The following TRIM2 variants were observed in gnomAD, a reference collection of about 807,000 sequenced individuals.
The protein encoded by TRIM2 is tripartite motif-containing protein 2.
TRIM2 carries 20 observed loss-of-function variants against 75.2 expected under a neutral mutation model. That is an observed-to-expected ratio of 0.27 (90% CI 0.19 to 0.39). The LOEUF (loss-of-function observed/expected upper bound fraction) is 0.39. TRIM2 is among the 10% of genes least tolerant of loss of function. The probability of loss-of-function intolerance (pLI) is 1.00; values close to 1 mark genes in which losing one functional copy is unlikely to be tolerated. For synonymous variants in TRIM2, 373 were observed against 388.3 expected (o/e 0.96, Z 0.46); for missense variants, 660 against 990.8 (o/e 0.67, Z 4.48).
At chr4:153,185,335 G>A (rs1732490255) in intron 1 of TRIM2, among the ~76,000 whole-genome samples, 2 of 152,128 alleles carry the variant, frequency 1.3e-5, no homozygotes, top group African/African-American at 2.4e-5. Flanking sequence ...TATTCACTCA[G>A]TTCATAAATT....
In TRIM2 at chr4:153,334,847, A is replaced by G. The variant is rs201921014; in HGVS notation, c.2197A>G (p.Ile733Val). Reference sequence around the variant, plus strand: ...TGGGAGTGGATCATTTTTGTCCTACATTAACACATCTGCTGACCCACTCTA... The same window carrying G: ...TGGGAGTGGATCATTTTTGTCCTACGTTAACACATCTGCTGACCCACTCTA... Reference protein sequence around the residue: ...FDGSGSFLSYINTSADPLYGP... With the variant: ...FDGSGSFLSYVNTSADPLYGP... The change falls in exon 12 of 12, where the codon ATT becomes GTT. Residue 733 changes from isoleucine to valine, a missense_variant. Coordinates refer to ENST00000338700, the MANE Select transcript of TRIM2 (RefSeq NM_015271.5). 274 of 1,613,610 alleles carry G rather than the reference A, an allele frequency of 1.7e-4. 2 individuals are homozygous for G. In the Middle Eastern group the frequency reaches 5.4e-3, roughly 32 times the overall value.
intron 6 of TRIM2, among the ~76,000 whole-genome samples, chr4:153,311,109 A>G (rs1766189385): frequency 6.6e-6 from 1 of 152,178 alleles, no homozygotes; most frequent in South Asian, 2.1e-4. Flanking sequence ...ATGGTCTATT[A>G]CTATGGAATC....
intron 6 of TRIM2, among the ~76,000 whole-genome samples, chr4:153,301,410 C>T (rs1763896540): frequency 6.6e-6 from 1 of 152,102 alleles, no homozygotes; most frequent in Non-Finnish European, 1.5e-5. Context: ...AGATATTAAC[C>T]TCTTATCAAG....
chr4:153,223,937 T>C (rs1292784742), intron 1 of TRIM2, among the ~76,000 whole-genome samples: 1 of 152,182 alleles, frequency 6.6e-6, no homozygotes, highest in African/African-American at 2.4e-5. Flanking sequence ...CCTTTTTTCA[T>C]TGTTTTCTTC....
In TRIM2 at chr4:153,248,483, C is replaced by T. The variant is rs1294129700; in HGVS notation, c.31-21852C>T. ...CAAACCCATTCTTGGCTCTAGAGCC[C>T]ATCCTCTTCTCCACTACCGCACCTG... On this transcript the variant is annotated intron_variant, in intron 1 of 11. Transcript: ENST00000338700. The surrounding 1 kb of genome is among the most constrained non-coding windows in gnomAD (Gnocchi z 4.0). 1.3e-5 allele frequency among the ~76,000 whole-genome samples: 2 copies of T among 152,182 alleles called. No homozygotes were observed. Among genetic ancestry groups the T allele is most frequent in the African/African-American group, 4.8e-5 (2 of 41,446 alleles).
chr4:153,284,669 T>G (rs1363010951), intron 3 of TRIM2, among the ~76,000 whole-genome samples: 4 of 152,240 alleles, frequency 2.6e-5, no homozygotes, highest in Non-Finnish European at 5.9e-5. Flanking sequence ...GTTGCGGTTT[T>G]GATTTGCATT....
upstream of TRIM2, among the ~76,000 whole-genome samples, chr4:153,203,703 C>G (rs953531882): frequency 1.3e-5 from 2 of 152,044 alleles, no homozygotes; most frequent in Non-Finnish European, 2.9e-5. Flanking sequence ...ACCCACCTGG[C>G]CAACATGGCG....
At position 153,225,407 on chromosome 4, in the gene TRIM2, C is replaced by T. The variant is rs1348705160; in HGVS notation, c.30+20847C>T. 2.0e-5 allele frequency among the ~76,000 whole-genome samples: 3 copies of T among 152,170 alleles called. No individual in the cohort carries two copies. In the East Asian group the frequency reaches 5.8e-4, roughly 29 times the overall value. ...AGAAAAGACTTCCTGCTTAGAATGTCTGTTTGAGAGGCTATTCTGTGAATG... is the reference window on the plus strand; with the variant it reads ...AGAAAAGACTTCCTGCTTAGAATGTTTGTTTGAGAGGCTATTCTGTGAATG... On this transcript the variant is annotated intron_variant, in intron 1 of 11. Transcript: ENST00000338700.
chr4:153,187,246 A>C (rs901134425), intron 1 of TRIM2, among the ~76,000 whole-genome samples: 2 of 152,170 alleles, frequency 1.3e-5, no homozygotes. Context: ...AAGGATGAAA[A>C]AAAATTTGTA....
upstream of TRIM2, among the ~76,000 whole-genome samples, chr4:153,203,394 T>TACACACACACACAC (rs35049904): frequency 7.1e-6 from 1 of 141,292 alleles, no homozygotes; most frequent in African/African-American, 2.6e-5. Flanking sequence ...CCCACATCTC[T>TACACACACACACAC]ACACACACAC....
Position 153,338,208 on chromosome 4 carries a change from A to G in TRIM2, c.*3242A>G. The G allele has an allele frequency of 3.0e-6, 3 of 985,882 alleles. No individual in the cohort carries two copies. The highest frequency in any genetic ancestry group is 3.6e-6 in the Non-Finnish European group (3 of 829,938). The allele number at this position is 985,882 out of a possible 1,614,324, so 61.1% of individuals were successfully genotyped here. A position where few individuals can be genotyped will look rare whatever the true frequency, so the allele number is the denominator to read the frequency against. Reference sequence around the variant, plus strand: ...AGCAGTACACTAGCAAGTATCTGTGAATCCTTAGCACTGACGGGTTAACAG... The same window carrying G: ...AGCAGTACACTAGCAAGTATCTGTGGATCCTTAGCACTGACGGGTTAACAG... On this transcript the variant is annotated 3_prime_UTR_variant, in exon 12 of 12. Coordinates refer to ENST00000338700, the MANE Select transcript of TRIM2 (RefSeq NM_015271.5).
intron 1 of TRIM2, among the ~76,000 whole-genome samples, chr4:153,182,543 C>G (rs1732176202): frequency 6.6e-6 from 1 of 152,136 alleles, no homozygotes; most frequent in Non-Finnish European, 1.5e-5. Flanking sequence ...GCTAAGTGAG[C>G]TGATTCATAT....
At chr4:153,329,006 C>T (rs1329064514) in intron 11 of TRIM2, among the ~76,000 whole-genome samples, 1 of 152,060 alleles carries the variant, frequency 6.6e-6, no homozygotes, top group Non-Finnish European at 1.5e-5. Context: ...TGAATATAAG[C>T]AACAATCATA....
At chr4:153,185,218 A>G (rs964937594) in intron 1 of TRIM2, among the ~76,000 whole-genome samples, 1 of 152,228 alleles carries the variant, frequency 6.6e-6, no homozygotes, top group African/African-American at 2.4e-5. Context: ...TGGTTCCCCA[A>G]GAGCAGAGTT....
chr4:153,263,868 C>G (rs984581507), intron 1 of TRIM2, among the ~76,000 whole-genome samples: 1 of 152,182 alleles, frequency 6.6e-6, no homozygotes, highest in African/African-American at 2.4e-5. Context: ...TCCCTCTTAT[C>G]TCCTCTTACA....
intron 9 of TRIM2, 33 bp from the exon 10 acceptor site, chr4:153,324,045 G>C (rs776298461): frequency 6.4e-7 from 1 of 1,571,608 alleles, no homozygotes; most frequent in Admixed American, 1.7e-5. Flanking sequence ...TTTTGTTGTA[G>C]TCATCACATA....
At position 153,276,115 on chromosome 4, in the gene TRIM2, A is replaced by C. The variant is rs767061998; in HGVS notation, c.438A>C (p.Pro146=). The change falls in exon 3 of 12, where the codon CCA becomes CCC. Residue 146 remains proline, a synonymous_variant. Coordinates refer to ENST00000338700, the MANE Select transcript of TRIM2 (RefSeq NM_015271.5). Reference sequence around the variant, plus strand: ...CTGCGGGAAAGCCTCTCTCTTGCCCAAACCACGATGGGAATGTAAGTGGCT... The same window carrying C: ...CTGCGGGAAAGCCTCTCTCTTGCCCCAACCACGATGGGAATGTAAGTGGCT... ...AVAAGKPLSC[P]NHDGNVMEFY... is the part of the protein sequence containing the mutation. The C allele has an allele frequency of 6.2e-6, 10 of 1,614,118 alleles. No homozygotes were observed. Among genetic ancestry groups the C allele is most frequent in the Non-Finnish European group, 7.6e-6 (9 of 1,179,940 alleles).
chr4:153,163,493 A>ATATTTTTTTTTTTTT (rs1390228832), intron 1 of TRIM2, among the ~76,000 whole-genome samples: 1 of 80,882 alleles, frequency 1.2e-5, no homozygotes. Flanking sequence ...CTAGATTTAC[A>ATATTTTTTTTTTTTT]TCTTTTTTTT....
At chr4:153,182,364 G>T (rs528587634) in intron 1 of TRIM2, among the ~76,000 whole-genome samples, 6 of 152,178 alleles carry the variant, frequency 3.9e-5, no homozygotes, top group South Asian at 4.1e-4. Flanking sequence ...TTGGGAAAAA[G>T]AGTCCTGAGA....
Sources: allele counts gnomAD v4.1 joint callset (sites outside exome capture counted in the v4.1 genomes callset), GRCh38; gene constraint gnomAD v4.1.1; non-coding constraint Gnocchi (gnomAD v3.1); transcripts MANE v1.5; gene names NCBI Gene and HGNC (gene_info 2026-07-23, HGNC 2026-07-21).